Variants in HCN1 observed in about 807,000 individuals in gnomAD.
The protein encoded by HCN1 is hyperpolarization activated cyclic nucleotide gated potassium channel 1.
In HCN1, 13 loss-of-function variants were observed where a neutral mutation model predicts 78.9. That is an observed-to-expected ratio of 0.16 (90% CI 0.11 to 0.26). The LOEUF (loss-of-function observed/expected upper bound fraction) is 0.26, where lower values mean the gene tolerates loss of function less well. Ranked by LOEUF, HCN1 falls within the 10% of genes least tolerant of loss-of-function variation. The probability of loss-of-function intolerance (pLI) is 1.00; values close to 1 mark genes in which losing one functional copy is unlikely to be tolerated. For missense variants in HCN1, 810 were observed against 1,154.3 expected, an observed-to-expected ratio of 0.70 and a Z score of 4.32; for synonymous variants, 552 against 455.5, an observed-to-expected ratio of 1.21 and a Z score of -2.70.
chr5:45,374,099 A>G (rs1579851410), intron 4 of HCN1, among the ~76,000 whole-genome samples: 1 of 110,770 alleles, frequency 9.0e-6, no homozygotes, highest in Non-Finnish European at 1.7e-5. Context: ...TATGTATATA[A>G]TATATATTAT....
intron 5 of HCN1, among the ~76,000 whole-genome samples, chr5:45,305,805 G>A (rs1183422137): frequency 1.4e-5 from 2 of 144,578 alleles, no homozygotes; most frequent in African/African-American, 2.6e-5. Flanking sequence ...AGGGAAAGAA[G>A]GAATGAAGGA....
intron 2 of HCN1, among the ~76,000 whole-genome samples, chr5:45,481,143 T>C (rs1356979077): frequency 2.6e-5 from 4 of 152,172 alleles, no homozygotes; most frequent in African/African-American, 9.7e-5. Context: ...ATTCTGTAAA[T>C]AGGAAAGCAA....
At chr5:45,429,062 C>T (rs1333216384) in intron 3 of HCN1, among the ~76,000 whole-genome samples, 1 of 152,016 alleles carries the variant, frequency 6.6e-6, no homozygotes, top group African/African-American at 2.4e-5. Flanking sequence ...TCATTTAGCC[C>T]TCAAAATAAC....
intron 2 of HCN1, among the ~76,000 whole-genome samples, chr5:45,563,486 T>C (rs1314303172): frequency 6.6e-6 from 1 of 151,738 alleles, no homozygotes; most frequent in Non-Finnish European, 1.5e-5. Flanking sequence ...ATAAAAAATA[T>C]ATATAGTGGA....
intron 2 of HCN1, among the ~76,000 whole-genome samples, chr5:45,566,503 T>A (rs1743709228): frequency 6.6e-6 from 1 of 152,162 alleles, no homozygotes; most frequent in Non-Finnish European, 1.5e-5. Context: ...ATTTAATGCC[T>A]CATATCAAAG....
intron 5 of HCN1, among the ~76,000 whole-genome samples, chr5:45,306,290 T>C (rs1391436441): frequency 6.6e-6 from 1 of 152,120 alleles, no homozygotes; most frequent in East Asian, 1.9e-4. Context: ...CATGGATCTC[T>C]CATTTTTTAT....
chr5:45,374,939 T>C (rs1005252338), intron 4 of HCN1, among the ~76,000 whole-genome samples: 6 of 143,908 alleles, frequency 4.2e-5, no homozygotes, highest in Non-Finnish European at 7.5e-5. Context: ...CATGGAAAGT[T>C]GAACTATACT....
chr5:45,518,126 T>C (rs1051010576), intron 2 of HCN1, among the ~76,000 whole-genome samples: 1 of 152,088 alleles, frequency 6.6e-6, no homozygotes, highest in African/African-American at 2.4e-5. Context: ...CCCAGAGTGA[T>C]AGACTGAAAC....
chr5:45,359,865 T>C (rs935673005), intron 4 of HCN1, among the ~76,000 whole-genome samples: 6 of 151,810 alleles, frequency 4.0e-5, no homozygotes, highest in Non-Finnish European at 5.9e-5. Flanking sequence ...TTTATTGGCA[T>C]TGTAAAACTC....
intron 2 of HCN1, among the ~76,000 whole-genome samples, chr5:45,615,945 G>A (rs1238577324): frequency 6.6e-6 from 1 of 151,192 alleles, no homozygotes; most frequent in Non-Finnish European, 1.5e-5. Flanking sequence ...AGCAAATCAT[G>A]AACTAAAATA....
intron 1 of HCN1, among the ~76,000 whole-genome samples, chr5:45,666,492 C>A (rs908783322): frequency 1.1e-4 from 17 of 151,944 alleles, no homozygotes; most frequent in African/African-American, 3.9e-4. Flanking sequence ...CATAATAAAC[C>A]CAAATGAGCA....
At chr5:45,520,816 A>G (rs1742599550) in intron 2 of HCN1, among the ~76,000 whole-genome samples, 1 of 151,970 alleles carries the variant, frequency 6.6e-6, no homozygotes, top group South Asian at 2.1e-4. Flanking sequence ...TTAGAGATGA[A>G]AAGACATACT....
intron 5 of HCN1, among the ~76,000 whole-genome samples, chr5:45,313,330 A>G (rs1336985070): frequency 6.6e-6 from 1 of 152,192 alleles, no homozygotes; most frequent in Non-Finnish European, 1.5e-5. Flanking sequence ...GAAAACTAAC[A>G]AACAGAAAGG....
intron 2 of HCN1, among the ~76,000 whole-genome samples, chr5:45,569,847 C>CTCA (rs1561204753): frequency 6.6e-6 from 1 of 151,724 alleles, no homozygotes; most frequent in East Asian, 1.9e-4. Flanking sequence ...CATCCTTATC[C>CTCA]TCATCATCAT....
chr5:45,627,525 A>G (rs758357298), intron 2 of HCN1, among the ~76,000 whole-genome samples: 5 of 152,178 alleles, frequency 3.3e-5, no homozygotes, highest in Admixed American at 6.5e-5. Context: ...TGTCATCAAC[A>G]GTTGATTATG....
chr5:45,479,835 C>T (rs1741609596), intron 2 of HCN1, among the ~76,000 whole-genome samples: 1 of 152,116 alleles, frequency 6.6e-6, no homozygotes, highest in African/African-American at 2.4e-5. Flanking sequence ...CAAAAGTTCT[C>T]CTCTTTATAG....
At chr5:45,371,772 T>A (rs1161076678) in intron 4 of HCN1, among the ~76,000 whole-genome samples, 1 of 141,666 alleles carries the variant, frequency 7.1e-6, no homozygotes, top group African/African-American at 2.6e-5. Flanking sequence ...AAAAAATATA[T>A]ATATATATGT....
At chr5:45,376,432 A>T (rs1240340895) in intron 4 of HCN1, among the ~76,000 whole-genome samples, 1 of 148,374 alleles carries the variant, frequency 6.7e-6, no homozygotes, top group Non-Finnish European at 1.5e-5. Context: ...GATGGCCTTT[A>T]ACGACCAGGA....
intron 3 of HCN1, among the ~76,000 whole-genome samples, chr5:45,408,772 T>C (rs570250394): frequency 1.3e-4 from 20 of 152,276 alleles, no homozygotes; most frequent in African/African-American, 4.8e-4. Flanking sequence ...TGCTGCTATT[T>C]TGAGGTTTGA....
Sources: gnomAD v4.1 joint callset for allele counts (sites outside exome capture counted in the v4.1 genomes callset) on GRCh38, gnomAD v4.1.1 for gene constraint, MANE v1.5 for transcripts, NCBI Gene and HGNC (gene_info 2026-07-23, HGNC 2026-07-21) for gene names.